The following DLC1 variants were observed in gnomAD, a reference collection of about 807,000 sequenced individuals.
DLC1 encodes the protein DLC1 Rho GTPase activating protein.
In DLC1, 54 loss-of-function variants were observed where a neutral mutation model predicts 140.3. The ratio of observed to expected loss-of-function variants is 0.38; its 90% CI spans 0.31 to 0.48. The LOEUF (loss-of-function observed/expected upper bound fraction) is 0.48. Ranked by LOEUF, DLC1 falls within the 20% of genes least tolerant of loss-of-function variation. DLC1 has a pLI of 0.96. For synonymous variants in DLC1, 986 were observed against 728.1 expected (o/e 1.35, Z -5.70); for missense variants, 2,536 against 1,907.0 (o/e 1.33, Z -6.14).
intron 4 of DLC1, among the ~76,000 whole-genome samples, chr8:13,312,386 A>AAAATAATAAT (rs71207139): frequency 0.01 from 851 of 81,630 alleles, 97 homozygotes; most frequent in African/African-American, 0.035. Flanking sequence ...AAAAAAAAAA[A>AAAATAATAAT]AATAATTTCT....
chr8:13,300,876 A>C (rs1404173712), intron 5 of DLC1, among the ~76,000 whole-genome samples: 3 of 152,216 alleles, frequency 2.0e-5, no homozygotes, highest in Non-Finnish European at 4.4e-5. Context: ...AGACTGGTGT[A>C]ATGATTGGTT....
intron 4 of DLC1, among the ~76,000 whole-genome samples, chr8:13,358,488 T>A (rs991281416): frequency 2.0e-5 from 3 of 152,232 alleles, no homozygotes; most frequent in Non-Finnish European, 2.9e-5. Context: ...CTTAACTGCA[T>A]AGGCGATTAT....
chr8:13,314,155 T>C (rs959028762), intron 4 of DLC1, among the ~76,000 whole-genome samples: 1 of 151,712 alleles, frequency 6.6e-6, no homozygotes, highest in African/African-American at 2.4e-5. Context: ...GATTTATCAC[T>C]TACTGAAATT....
At chr8:13,142,691 C>T (rs1786893566) in intron 5 of DLC1, among the ~76,000 whole-genome samples, 1 of 152,080 alleles carries the variant, frequency 6.6e-6, no homozygotes, top group Admixed American at 6.5e-5. Context: ...GTTTATTTAA[C>T]TAAAATAGGG....
intron 5 of DLC1, among the ~76,000 whole-genome samples, chr8:13,258,762 G>A (rs1830360374): frequency 6.6e-6 from 1 of 152,030 alleles, no homozygotes; most frequent in Admixed American, 6.6e-5. Context: ...TTTGTACGGG[G>A]GTCTGTTATT....
chr8:13,401,767 G>T, intron 2 of DLC1, 148 bp from the exon 3 acceptor site: 1 of 997,370 alleles, frequency 1.0e-6, no homozygotes, highest in Non-Finnish European at 1.4e-6. Flanking sequence ...ATCATCAATG[G>T]GCTCTTCATT....
intron 2 of DLC1, among the ~76,000 whole-genome samples, chr8:13,494,739 T>A (rs1459427978): frequency 1.3e-5 from 2 of 152,036 alleles, no homozygotes; most frequent in East Asian, 3.9e-4. Context: ...TCACTTGAGG[T>A]CAGGAGTTTG....
intron 1 of DLC1, among the ~76,000 whole-genome samples, chr8:13,570,758 T>C (rs1804624288): frequency 6.6e-6 from 1 of 152,148 alleles, no homozygotes; most frequent in Admixed American, 6.5e-5. Flanking sequence ...TCCCGCTTCT[T>C]CGTCGTCTTC....
At chr8:13,553,909 A>T (rs1448404588) in intron 1 of DLC1, among the ~76,000 whole-genome samples, 1 of 152,072 alleles carries the variant, frequency 6.6e-6, no homozygotes, top group East Asian at 1.9e-4. Context: ...TATTTTTCTT[A>T]TGTCTCCCTT....
At chr8:13,208,842 A>T (rs545204159) in intron 5 of DLC1, among the ~76,000 whole-genome samples, 33 of 152,188 alleles carry the variant, frequency 2.2e-4, no homozygotes, top group African/African-American at 7.9e-4. Context: ...AGAGCTGATG[A>T]TGTGGGAAAA....
At chr8:13,287,061 G>A (rs1397264770) in intron 5 of DLC1, among the ~76,000 whole-genome samples, 1 of 152,154 alleles carries the variant, frequency 6.6e-6, no homozygotes, top group African/African-American at 2.4e-5. Flanking sequence ...TATGTGTTGG[G>A]AGACTCTCGT....
intron 4 of DLC1, among the ~76,000 whole-genome samples, chr8:13,379,127 T>C (rs903016622): frequency 6.6e-6 from 1 of 152,182 alleles, no homozygotes; most frequent in Non-Finnish European, 1.5e-5. Context: ...TTCTGAAATG[T>C]CAAGAAAAAC....
At chr8:13,399,784 C>G (rs1378685037) in intron 3 of DLC1, among the ~76,000 whole-genome samples, 4 of 152,108 alleles carry the variant, frequency 2.6e-5, no homozygotes, top group Non-Finnish European at 2.9e-5. Flanking sequence ...CTATATTATT[C>G]TTGATAATTT....
chr8:13,128,533 T>C (rs919772576), intron 5 of DLC1, among the ~76,000 whole-genome samples: 2 of 152,114 alleles, frequency 1.3e-5, no homozygotes, highest in Non-Finnish European at 2.9e-5. Context: ...TGGGAGACAC[T>C]AAGAAAACAT....
At chr8:13,540,074 A>G (rs1803433535) in intron 1 of DLC1, among the ~76,000 whole-genome samples, 1 of 152,210 alleles carries the variant, frequency 6.6e-6, no homozygotes, top group South Asian at 2.1e-4. Context: ...GTCGCAAAAG[A>G]CTTTGAATTT....
intron 2 of DLC1, among the ~76,000 whole-genome samples, chr8:13,438,015 T>C (rs993859041): frequency 6.7e-6 from 1 of 149,538 alleles, no homozygotes; most frequent in African/African-American, 2.5e-5. Flanking sequence ...TTGTTTATGA[T>C]CTACCTCTTT....
intron 2 of DLC1, among the ~76,000 whole-genome samples, chr8:13,460,808 A>T (rs1263463117): frequency 1.3e-5 from 2 of 152,240 alleles, no homozygotes; most frequent in African/African-American, 4.8e-5. Context: ...AGTGCATGCA[A>T]TAAGCGCCTG....
chr8:13,518,940 C>G (rs1045166295), upstream of DLC1, among the ~76,000 whole-genome samples: 1 of 151,734 alleles, frequency 6.6e-6, no homozygotes, highest in Non-Finnish European at 1.5e-5. Context: ...TTTCAGTAAG[C>G]TTTACATGTG....
chr8:13,516,623 C>G (rs1231236894), upstream of DLC1, among the ~76,000 whole-genome samples: 4 of 152,128 alleles, frequency 2.6e-5, no homozygotes, highest in African/African-American at 9.7e-5. Flanking sequence ...TGGTCAGAAG[C>G]AGCTTTAAAA....
Sources: allele counts gnomAD v4.1 joint callset (sites outside exome capture counted in the v4.1 genomes callset), GRCh38; gene constraint gnomAD v4.1.1; transcripts MANE v1.5; gene names NCBI Gene and HGNC (gene_info 2026-07-23, HGNC 2026-07-21).